IL31RA: variants seen among roughly 807,000 people sequenced by gnomAD.
IL31RA encodes interleukin 31 receptor A, also known as interleukin-31 receptor subunit alpha.
IL31RA carries 66 observed loss-of-function variants against 83.7 expected under a neutral mutation model. The ratio of observed to expected loss-of-function variants is 0.79; its 90% CI spans 0.65 to 0.97. IL31RA has a LOEUF of 0.97. Among genes scored for constraint, IL31RA ranks in the 50% least tolerant of loss-of-function variants. The pLI, the probability that IL31RA is intolerant of heterozygous loss-of-function variation, is 0.00. For synonymous variants in IL31RA, 325 were observed against 329.0 expected, an observed-to-expected ratio of 0.99 and a Z score of 0.13; for missense variants, 798 against 919.4, an observed-to-expected ratio of 0.87 and a Z score of 1.71.
chr5:55,889,937 C>T, intron 5 of IL31RA, 33 bp from the exon 6 acceptor site: 8 of 1,608,466 alleles, frequency 5.0e-6, no homozygotes, highest in Non-Finnish European at 6.8e-6. Flanking sequence ...CGTGTGGTCT[C>T]CATTTCAGTT....
chr5:55,917,378 C>A lies in IL31RA; in HGVS notation c.*258C>A. 1 of 1,290,978 alleles carries A rather than the reference C, an allele frequency of 7.7e-7. No homozygotes were observed. Among genetic ancestry groups the A allele is most frequent in the South Asian group, 1.6e-5 (1 of 63,382 alleles). 80.0% of individuals were successfully genotyped at this position (1,290,978 alleles called of 1,614,324 possible). A position where few individuals can be genotyped will look rare whatever the true frequency, so the allele number is the denominator to read the frequency against. On this transcript the variant is annotated 3_prime_UTR_variant, in exon 15 of 15. Coordinates refer to ENST00000652347, the MANE Select transcript of IL31RA (RefSeq NM_139017.7). ...GTTTGTTCAGATACCAAGCTCTCAC[C>A]GAGGCCTCCTGACAGATTGACTTTG...
chr5:55,879,750 T>TC (rs1449112285), intron 4 of IL31RA, among the ~76,000 whole-genome samples: 2 of 139,106 alleles, frequency 1.4e-5, no homozygotes, highest in African/African-American at 5.5e-5. Context: ...TTTTTTTTTT[T>TC]CAATGTTTTC....
intron 5 of IL31RA, among the ~76,000 whole-genome samples, chr5:55,885,488 A>G (rs909052868): frequency 7.2e-5 from 11 of 152,206 alleles, no homozygotes; most frequent in South Asian, 2.1e-4. Flanking sequence ...CACAGGAGCT[A>G]AAGAGGCCAG....
intron 14 of IL31RA, 125 bp downstream of exon 14, chr5:55,915,053 A>C: frequency 1.3e-6 from 1 of 771,014 alleles, no homozygotes; most frequent in African/African-American, 1.7e-5. Context: ...TGGAGTTGAA[A>C]AGTCTCAGGG....
chr5:55,896,382 A>C lies in IL31RA; in HGVS notation c.805A>C (p.Lys269Gln). 1 of 1,613,838 alleles carries C rather than the reference A, an allele frequency of 6.2e-7. No homozygotes were observed. The highest frequency in any genetic ancestry group is 8.5e-7 in the Non-Finnish European group (1 of 1,179,830). Reference sequence around the variant, plus strand: ...TGGCCTGGAACTGTGGAGAGTCCTGAAACCAGCTGAGGCGGATGGAAGAAG... The same window carrying C: ...TGGCCTGGAACTGTGGAGAGTCCTGCAACCAGCTGAGGCGGATGGAAGAAG... ...PCGLELWRVL[K>Q]PAEADGRRPV... Residue 269 changes from lysine (K) to glutamine (Q), a missense_variant, in exon 7 of 15, where the codon AAA becomes CAA. By Grantham distance (53) the Lys-to-Gln change is moderately conservative. Coordinates refer to ENST00000652347, the MANE Select transcript of IL31RA (RefSeq NM_139017.7).
intron 4 of IL31RA, among the ~76,000 whole-genome samples, chr5:55,880,290 G>A (rs1306616980): frequency 6.6e-6 from 1 of 152,072 alleles, no homozygotes; most frequent in Non-Finnish European, 1.5e-5. Context: ...AGAGTTTTCT[G>A]AATATTTTTA....
chr5:55,913,661 A>G, intron 13 of IL31RA, 91 bp downstream of exon 13: 1 of 809,418 alleles, frequency 1.2e-6, no homozygotes, highest in Admixed American at 1.8e-5. Flanking sequence ...AGGGCACTCT[A>G]CCATTAAGGG....
In IL31RA at chr5:55,910,586, A is replaced by G. The variant is rs1399559223; in HGVS notation, c.1556A>G (p.Lys519Arg). The change falls in exon 12 of 15, where the codon AAG becomes AGG. Residue 519 changes from lysine to arginine, a missense_variant. Transcript: ENST00000652347. ...TACGGCCTGGAGTCCCTGAAACGAA[A>G]GACCTCTTACATTGTTCAGGTCATG... is the stretch of plus-strand genomic sequence containing the variant. ...LQYGLESLKR[K>R]TSYIVQVMAS... 22 of 1,614,154 alleles carry G rather than the reference A, an allele frequency of 1.4e-5. No individual in the cohort carries two copies. Among genetic ancestry groups the G allele is most frequent in the Non-Finnish European group, 1.8e-5 (21 of 1,179,980 alleles).
chr5:55,846,069 C>T, the IL31RA span, among the ~76,000 whole-genome samples: 7 of 152,164 alleles, frequency 4.6e-5, no homozygotes, highest in African/African-American at 1.4e-4. Flanking sequence ...GGTTTTCCTA[C>T]CCTGGTACTG....
rs188104151 is a variant in IL31RA at position 55,861,177 on chromosome 5, G to C, written c.154+1578G>C. Among the ~76,000 whole-genome samples the C allele has an allele frequency of 5.9e-5, 9 of 152,344 alleles. No homozygotes were observed. The East Asian group carries it at 1.5e-3, about 26-fold the overall frequency. ...AACATGTACTAATTGGGGTCACCAA[G>C]AGGGCAGTCATGACCCAGAGATAAT... On this transcript the variant is annotated intron_variant, in intron 2 of 14. Coordinates refer to ENST00000652347, the MANE Select transcript of IL31RA (RefSeq NM_139017.7).
At chr5:55,884,696 C>T (rs1747470560) in intron 5 of IL31RA, among the ~76,000 whole-genome samples, 2 of 152,206 alleles carry the variant, frequency 1.3e-5, no homozygotes, top group African/African-American at 4.8e-5. Context: ...TCTGAGATTA[C>T]AGGTGTGAGC....
In IL31RA at chr5:55,906,053, C is replaced by A. The variant is rs1402043772; in HGVS notation, c.1070-53C>A. On this transcript the variant is annotated intron_variant, in intron 8 of 14. Coordinates refer to ENST00000652347, the MANE Select transcript of IL31RA (RefSeq NM_139017.7). ...AATGAGGATGCCAGTGTGGTTGTTG[C>A]ATTTGGGGAATGAGTTGGGTAGCTG... The A allele has an allele frequency of 1.9e-5, 30 of 1,571,026 alleles. No homozygotes were observed. In the Admixed American group the frequency reaches 4.8e-4, roughly 25 times the overall value.
chr5:55,853,319 T>C (rs1165204596), intron 1 of IL31RA: 1 of 1,236,960 alleles, frequency 8.1e-7, no homozygotes, highest in Admixed American at 4.1e-5. Flanking sequence ...CTTTTGTTTT[T>C]AGTTAACAAT....
the IL31RA span, among the ~76,000 whole-genome samples, chr5:55,840,248 T>C: frequency 2.6e-5 from 4 of 152,276 alleles, no homozygotes; most frequent in East Asian, 5.8e-4. Context: ...AAATTGGCCA[T>C]AGTGGAAGTA....
At position 55,919,642 on chromosome 5, in the gene IL31RA, T is replaced by C. The variant is rs1275178867; in HGVS notation, c.*2522T>C. 2.0e-5 allele frequency among the ~76,000 whole-genome samples: 3 copies of C among 152,220 alleles called. No individual in the cohort carries two copies. The East Asian group carries it at 5.8e-4, about 29-fold the overall frequency. Reference sequence around the variant, plus strand: ...CCCTTCCATCAGCCTCCTTTGATCATTTTCCATGGTTTTATTACCTTTGAG... The same window carrying C: ...CCCTTCCATCAGCCTCCTTTGATCACTTTCCATGGTTTTATTACCTTTGAG... On this transcript the variant is annotated 3_prime_UTR_variant, in exon 15 of 15. Transcript: ENST00000652347.
In IL31RA at chr5:55,851,444, C is replaced by CA; in HGVS notation, c.-121dup. On this transcript the variant is annotated 5_prime_UTR_variant, in exon 1 of 15. Coordinates refer to ENST00000652347, the MANE Select transcript of IL31RA (RefSeq NM_139017.7). Reference sequence around the variant, plus strand: ...AAACAGCAAAATCACTCATAAAAGGCAAAAAATTGCAAAAAAAAATAGTAA... The same window carrying CA: ...AAACAGCAAAATCACTCATAAAAGGCAAAAAAATTGCAAAAAAAAATAGTAA... 6.3e-7 allele frequency: 1 copy of CA among 1,582,756 alleles called. No individual in the cohort carries two copies. Among genetic ancestry groups the CA allele is most frequent in the African/African-American group, 1.4e-5 (1 of 73,682 alleles).
rs186149941 is a variant in IL31RA, at chr5:55,916,245, T to C, written c.1819-399T>C. Among the ~76,000 whole-genome samples the C allele has an allele frequency of 3.6e-3, 550 of 152,022 alleles. 1 individual carries two copies. Among genetic ancestry groups the C allele is most frequent in the African/African-American group, 0.013 (520 of 41,454 alleles). ...AAAATTAAAAAGTAGCCAGGTATGG[T>C]GGTGTGCATCTGTAGCCCCTGCTAC... On this transcript the variant is annotated intron_variant, in intron 14 of 14. Transcript: ENST00000652347.
At chr5:55,866,496 G>A (rs916447754) in intron 2 of IL31RA, 6 of 151,348 alleles carry the variant, frequency 4.0e-5, no homozygotes, top group Non-Finnish European at 8.8e-5. Context: ...GTAGGGTTCA[G>A]CTCCTATGAG....
chr5:55,922,645 T>C lies in IL31RA; in HGVS notation c.*5525T>C, dbSNP rs1227075687. 1 of 531,108 alleles carries C rather than the reference T, an allele frequency of 1.9e-6. No individual in the cohort carries two copies. The highest frequency in any genetic ancestry group is 3.3e-6 in the Non-Finnish European group (1 of 300,838). The allele number at this position is 531,108 out of a possible 1,614,324, so 32.9% of individuals were successfully genotyped here. ...TGTTATTAAGTAGAGTGTGAAAACATGGTTATGGTAATAGGAACAGCTTTT... is the reference window on the plus strand; with the variant it reads ...TGTTATTAAGTAGAGTGTGAAAACACGGTTATGGTAATAGGAACAGCTTTT... On this transcript the variant is annotated 3_prime_UTR_variant, in exon 15 of 15. Coordinates refer to ENST00000652347, the MANE Select transcript of IL31RA (RefSeq NM_139017.7).
Sources: gnomAD v4.1 joint callset for allele counts (sites outside exome capture counted in the v4.1 genomes callset) on GRCh38, gnomAD v4.1.1 for gene constraint, MANE v1.5 for transcripts, NCBI Gene and HGNC (gene_info 2026-07-23, HGNC 2026-07-21) for gene names.